Variants in CORO2B observed in about 807,000 individuals in gnomAD.
The protein encoded by CORO2B is coronin 2B, also known as coronin-2B.
In CORO2B, 26 loss-of-function variants were observed where a neutral mutation model predicts 58.8. That is an observed-to-expected ratio of 0.44 (90% CI 0.32 to 0.61). The LOEUF (loss-of-function observed/expected upper bound fraction) is 0.61. Ranked by LOEUF, CORO2B falls within the 20% of genes least tolerant of loss-of-function variation. The pLI, the probability that CORO2B is intolerant of heterozygous loss-of-function variation, is 0.04. For missense variants in CORO2B, 460 were observed against 645.1 expected, an observed-to-expected ratio of 0.71 and a Z score of 3.11; for synonymous variants, 242 against 253.8, an observed-to-expected ratio of 0.95 and a Z score of 0.44.
At chr15:68,652,663 C>T (rs565546935) in intron 2 of CORO2B, among the ~76,000 whole-genome samples, 1 of 152,320 alleles carries the variant, frequency 6.6e-6, no homozygotes, top group South Asian at 2.1e-4. Flanking sequence ...AGTAGTGTGG[C>T]CTGAGGAGCT....
the CORO2B span, among the ~76,000 whole-genome samples, chr15:68,519,343 AAAGAT>A: frequency 6.6e-6 from 1 of 152,230 alleles, no homozygotes; most frequent in African/African-American, 2.4e-5. Context: ...TCATATCTGA[AAAGAT>A]AATGATCAAG....
intron 2 of CORO2B, among the ~76,000 whole-genome samples, chr15:68,670,094 A>T (rs1026762918): frequency 3.3e-5 from 5 of 152,044 alleles, no homozygotes; most frequent in African/African-American, 1.2e-4. Context: ...AGAAAAATTT[A>T]AAAATTTTTG....
intron 1 of CORO2B, among the ~76,000 whole-genome samples, chr15:68,642,059 CAG>C (rs1439350518): frequency 2.1e-5 from 2 of 97,076 alleles, no homozygotes; most frequent in South Asian, 3.5e-4. Flanking sequence ...TTTTTTGAGA[CAG>C]AGTCTCATTC....
At chr15:68,609,750 G>A (rs893618727) in intron 1 of CORO2B, among the ~76,000 whole-genome samples, 1 of 152,228 alleles carries the variant, frequency 6.6e-6, no homozygotes, top group Non-Finnish European at 1.5e-5. Context: ...GAAGGCCGTT[G>A]CTCTGGCTCT....
chr15:68,713,895 TG>T, intron 5 of CORO2B, 29 bp from the exon 6 acceptor site: 1 of 1,543,728 alleles, frequency 6.5e-7, no homozygotes, highest in Non-Finnish European at 8.9e-7. Flanking sequence ...TTGGGGACCC[TG>T]GCTCACCACC....
the CORO2B span, among the ~76,000 whole-genome samples, chr15:68,550,189 T>C: frequency 2.0e-5 from 3 of 152,186 alleles, no homozygotes; most frequent in East Asian, 5.8e-4. Flanking sequence ...TGGGGCGAAT[T>C]TGAAGCTGCT....
chr15:68,630,100 C>T (rs1418072298), intron 1 of CORO2B, among the ~76,000 whole-genome samples: 2 of 152,162 alleles, frequency 1.3e-5, no homozygotes, highest in East Asian at 3.9e-4. Context: ...GTTCTGCATC[C>T]ATTACCTCGT....
the CORO2B span, among the ~76,000 whole-genome samples, chr15:68,565,638 G>A: frequency 6.6e-6 from 1 of 152,028 alleles, no homozygotes; most frequent in Non-Finnish European, 1.5e-5. Context: ...CTGAAAGTTA[G>A]TTCATTGTAT....
rs1223086487 is a variant in CORO2B, at chr15:68,638,496, AAGAT to A, written c.16-6660_16-6657del. On this transcript the variant is annotated intron_variant, in intron 1 of 11. Coordinates refer to ENST00000261861, the MANE Select transcript of CORO2B (RefSeq NM_006091.5). ...CGTACAACTAACAAGTAGCAGAGCC[AAGAT>A]AGAAACCACTGGATTCTTTCTGACT... is the stretch of plus-strand genomic sequence containing the variant. Among the ~76,000 whole-genome samples, 7 of 152,352 alleles carry A rather than the reference AAGAT, an allele frequency of 4.6e-5. 1 individual carries two copies. The highest frequency in any genetic ancestry group is 2.6e-4 in the Admixed American group (4 of 15,304).
At chr15:68,713,482 C>T (rs564857305) in intron 5 of CORO2B, among the ~76,000 whole-genome samples, 4 of 152,316 alleles carry the variant, frequency 2.6e-5, no homozygotes, top group South Asian at 2.1e-4. Flanking sequence ...CTGAAAACAA[C>T]AGAAATGTAT....
intron 2 of CORO2B, among the ~76,000 whole-genome samples, chr15:68,650,742 C>A (rs1303557148): frequency 6.6e-6 from 1 of 152,186 alleles, no homozygotes; most frequent in African/African-American, 2.4e-5. Flanking sequence ...GCTATATGAT[C>A]TAAATTTCTT....
the CORO2B span, chr15:68,559,526 G>A: frequency 3.3e-6 from 3 of 913,308 alleles, no homozygotes; most frequent in Non-Finnish European, 3.9e-6. The surrounding 1 kb of genome is among the most constrained non-coding windows in gnomAD (Gnocchi z 4.3). Flanking sequence ...AGGGGGTAGC[G>A]GGGAGGGCGA....
At chr15:68,684,830 G>T (rs8033783) in intron 2 of CORO2B, among the ~76,000 whole-genome samples, 2 of 152,188 alleles carry the variant, frequency 1.3e-5, no homozygotes, top group African/African-American at 4.8e-5. Flanking sequence ...GGGAGCCTGG[G>T]ACACAGGGAG....
chr15:68,518,807 C>T, the CORO2B span, among the ~76,000 whole-genome samples: 2 of 152,114 alleles, frequency 1.3e-5, no homozygotes, highest in South Asian at 4.2e-4. Context: ...TCTTGACAGC[C>T]ATAAACACTG....
At chr15:68,528,834 G>A in the CORO2B span, among the ~76,000 whole-genome samples, 1 of 151,998 alleles carries the variant, frequency 6.6e-6, no homozygotes, top group African/African-American at 2.4e-5. Context: ...CAAGGAATAT[G>A]TGGTGCATTT....
the CORO2B span, among the ~76,000 whole-genome samples, chr15:68,545,612 C>T: frequency 2.4e-4 from 13 of 53,268 alleles, no homozygotes; most frequent in East Asian, 8.7e-4. Flanking sequence ...ATGCGGGGGG[C>T]GGGGGGGGTA....
chr15:68,614,194 T>A (rs1900302563), intron 1 of CORO2B, among the ~76,000 whole-genome samples: 1 of 152,218 alleles, frequency 6.6e-6, no homozygotes, highest in South Asian at 2.1e-4. Flanking sequence ...TAATGTGTTA[T>A]CAGGGTGGTT....
chr15:68,604,079 TG>T (rs1194798024), intron 1 of CORO2B, among the ~76,000 whole-genome samples: 2 of 152,090 alleles, frequency 1.3e-5, no homozygotes, highest in Non-Finnish European at 1.5e-5. Flanking sequence ...GAGCACTGAG[TG>T]TATTTCATAC....
intron 8 of CORO2B, among the ~76,000 whole-genome samples, chr15:68,715,608 G>C (rs978689653): frequency 6.6e-6 from 1 of 152,224 alleles, no homozygotes; most frequent in African/African-American, 2.4e-5. Flanking sequence ...TATGATGATG[G>C]TGGGAAGTGG....
Sources: allele counts gnomAD v4.1 joint callset (sites outside exome capture counted in the v4.1 genomes callset), GRCh38; gene constraint gnomAD v4.1.1; non-coding constraint Gnocchi (gnomAD v3.1); transcripts MANE v1.5; gene names NCBI Gene and HGNC (gene_info 2026-07-23, HGNC 2026-07-21).